Variants in ENAH observed in about 807,000 individuals in gnomAD.
The protein encoded by ENAH is protein enabled homolog.
Under a neutral mutation model 78.7 loss-of-function variants are expected in ENAH, and 23 were observed. The ratio of observed to expected loss-of-function variants is 0.29; its 90% confidence interval spans 0.21 to 0.41. ENAH has a LOEUF of 0.41. ENAH is among the 10% of genes least tolerant of loss of function. ENAH has a pLI of 1.00. For missense variants in ENAH, 544 were observed against 691.0 expected, an observed-to-expected ratio of 0.79 and a Z score of 2.39; for synonymous variants, 226 against 241.0, an observed-to-expected ratio of 0.94 and a Z score of 0.58.
At chr1:225,641,598 G>A (rs1250010395) in intron 1 of ENAH, among the ~76,000 whole-genome samples, 3 of 151,408 alleles carry the variant, frequency 2.0e-5, no homozygotes, top group Non-Finnish European at 4.4e-5. Context: ...TATTACCGAA[G>A]ATACAAGGCT....
intron 3 of ENAH, among the ~76,000 whole-genome samples, chr1:225,552,740 A>C (rs1271963919): frequency 4.6e-5 from 7 of 152,190 alleles, no homozygotes; most frequent in Non-Finnish European, 8.8e-5. Context: ...ATTGTGACTG[A>C]GAATAAAGTA....
intron 1 of ENAH, among the ~76,000 whole-genome samples, chr1:225,612,853 G>A (rs2096998836): frequency 1.3e-5 from 2 of 151,634 alleles, no homozygotes; most frequent in Admixed American, 1.3e-4. Context: ...AAAAAAGGGG[G>A]GGAGGAGGGA....
chr1:225,515,665 T>G (rs2096411664), intron 6 of ENAH, among the ~76,000 whole-genome samples: 1 of 152,216 alleles, frequency 6.6e-6, no homozygotes, highest in South Asian at 2.1e-4. Flanking sequence ...AAACAGTAGG[T>G]GCTCTTTTAG....
At chr1:225,647,480 G>C (rs1406977558) in intron 1 of ENAH, among the ~76,000 whole-genome samples, 1 of 152,136 alleles carries the variant, frequency 6.6e-6, no homozygotes, top group Non-Finnish European at 1.5e-5. Context: ...CTCTGTGTTA[G>C]AATAAGAAAT....
chr1:225,641,006 G>C (rs1012454336), intron 1 of ENAH, among the ~76,000 whole-genome samples: 6 of 150,190 alleles, frequency 4.0e-5, no homozygotes, highest in African/African-American at 1.5e-4. Flanking sequence ...TGGGACTACA[G>C]GCGCCCGCCA....
In ENAH at chr1:225,488,820, C is replaced by CA. The variant is rs2096210271; in HGVS notation, c.*8954_*8955insT. On this transcript the variant is annotated 3_prime_UTR_variant, in exon 14 of 14. Transcript: ENST00000366843. The stretch of plus-strand genomic sequence containing the variant: ...CATCTCTGACTTTCTGCCAAATTAT[C>CA]TTTATCTTCCTAAGACGAAGCAAAG... 6.6e-6 allele frequency: 1 copy of CA among 152,214 alleles called. No homozygotes were observed. The highest frequency in any genetic ancestry group is 6.5e-5 in the Admixed American group (1 of 15,280). 9.4% of individuals were successfully genotyped at this position (152,214 alleles called of 1,614,324 possible). A position where few individuals can be genotyped will look rare whatever the true frequency, so the allele number is the denominator to read the frequency against.
At chr1:225,517,358 T>C (rs748997654) in intron 5 of ENAH, 52 bp from the exon 6 acceptor site, 37 of 1,551,224 alleles carry the variant, frequency 2.4e-5, no homozygotes, top group Non-Finnish European at 3.0e-5. Flanking sequence ...GTTGAGGCAA[T>C]AGGGGTGCTT....
chr1:225,523,917 C>T (rs1050533498), intron 4 of ENAH, among the ~76,000 whole-genome samples: 7 of 152,160 alleles, frequency 4.6e-5, no homozygotes, highest in East Asian at 1.9e-4. Context: ...TTAATAGAAT[C>T]GTCTGAGGAC....
At chr1:225,512,255 C>T (rs1398811057) in intron 9 of ENAH, among the ~76,000 whole-genome samples, 1 of 152,218 alleles carries the variant, frequency 6.6e-6, no homozygotes, top group African/African-American at 2.4e-5. Context: ...GAAGGTTACA[C>T]TCTGAAGGGG....
chr1:225,600,571 G>C (rs2096925616), intron 1 of ENAH, among the ~76,000 whole-genome samples: 1 of 152,092 alleles, frequency 6.6e-6, no homozygotes, highest in Non-Finnish European at 1.5e-5. Flanking sequence ...TCTTAAGTTA[G>C]AGAAGGCTGA....
chr1:225,545,463 T>C (rs1487052074), intron 3 of ENAH, among the ~76,000 whole-genome samples: 1 of 152,188 alleles, frequency 6.6e-6, no homozygotes, highest in Admixed American at 6.5e-5. Flanking sequence ...ATAACTAAAT[T>C]ACATGTTTTA....
intron 6 of ENAH, among the ~76,000 whole-genome samples, chr1:225,516,833 C>T (rs944890945): frequency 8.0e-5 from 12 of 150,636 alleles, no homozygotes; most frequent in African/African-American, 2.9e-4. Context: ...GAGATCGTGC[C>T]ACTCTACTCC....
At chr1:225,589,161 G>C (rs888725919) in intron 1 of ENAH, among the ~76,000 whole-genome samples, 1 of 152,012 alleles carries the variant, frequency 6.6e-6, no homozygotes, top group Non-Finnish European at 1.5e-5. Context: ...GAGGCAAAGC[G>C]AGGAGTGACA....
chr1:225,624,117 T>C (rs1390526438), intron 1 of ENAH, among the ~76,000 whole-genome samples: 3 of 152,192 alleles, frequency 2.0e-5, no homozygotes, highest in African/African-American at 7.2e-5. Flanking sequence ...AACAAATCTC[T>C]TGAAAAACAT....
intron 11 of ENAH, among the ~76,000 whole-genome samples, chr1:225,502,257 G>T (rs2096286744): frequency 2.0e-5 from 3 of 152,136 alleles, no homozygotes; most frequent in Admixed American, 2.0e-4. Flanking sequence ...TGTCTCCCAG[G>T]CTGGAGTGCA....
chr1:225,520,648 A>G (rs2096459777), intron 4 of ENAH, among the ~76,000 whole-genome samples: 1 of 152,018 alleles, frequency 6.6e-6, no homozygotes. Flanking sequence ...TCTGAACCCA[A>G]GAGTTCAAGA....
At chr1:225,581,179 C>T (rs1457461300) in intron 1 of ENAH, 3 of 680,556 alleles carry the variant, frequency 4.4e-6, no homozygotes, top group East Asian at 2.7e-4. Flanking sequence ...CTTGGCAACA[C>T]ATACTTCCCT....
At chr1:225,561,091 G>A (rs1445374520) in intron 2 of ENAH, among the ~76,000 whole-genome samples, 2 of 150,602 alleles carry the variant, frequency 1.3e-5, no homozygotes, top group African/African-American at 2.4e-5. Flanking sequence ...AAAATTAGCT[G>A]GGCTTGGTGG....
chr1:225,600,182 C>T (rs897816517), intron 1 of ENAH, among the ~76,000 whole-genome samples: 6 of 152,164 alleles, frequency 3.9e-5, no homozygotes, highest in African/African-American at 1.4e-4. Context: ...TAGAGCAACA[C>T]AAAATGGACT....
Sources: gnomAD v4.1 joint callset for allele counts (sites outside exome capture counted in the v4.1 genomes callset) on GRCh38, gnomAD v4.1.1 for gene constraint, MANE v1.5 for transcripts, NCBI Gene and HGNC (gene_info 2026-07-23, HGNC 2026-07-21) for gene names.